Variants in ERI3 observed in about 807,000 individuals in gnomAD.
ERI3 encodes ERI1 exoribonuclease family member 3.
A neutral mutation model predicts 44.4 loss-of-function variants in ERI3; 18 were observed. That is an observed-to-expected ratio of 0.41 (90% CI 0.28 to 0.60). The LOEUF (loss-of-function observed/expected upper bound fraction) is 0.60. Ranked by LOEUF, ERI3 falls within the 20% of genes least tolerant of loss-of-function variation. The probability of loss-of-function intolerance (pLI) is 0.36; values close to 1 mark genes in which losing one functional copy is unlikely to be tolerated. For synonymous variants in ERI3, 183 were observed against 164.8 expected, an observed-to-expected ratio of 1.11 and a Z score of -0.84; for missense variants, 294 against 435.5, an observed-to-expected ratio of 0.68 and a Z score of 2.89.
intron 8 of ERI3, among the ~76,000 whole-genome samples, chr1:44,227,549 TTATAC>T (rs1283470950): frequency 6.7e-6 from 1 of 149,320 alleles, no homozygotes; most frequent in Non-Finnish European, 1.5e-5. Context: ...CAGGACATAC[TTATAC>T]TATATTTTTT....
intron 3 of ERI3, among the ~76,000 whole-genome samples, chr1:44,338,754 G>T (rs1396625373): frequency 6.6e-6 from 1 of 152,180 alleles, no homozygotes; most frequent in Non-Finnish European, 1.5e-5. Context: ...AGTAGCAGGA[G>T]AATGGAGGAA....
intron 2 of ERI3, among the ~76,000 whole-genome samples, chr1:44,349,391 C>T (rs942383314): frequency 6.6e-5 from 10 of 152,040 alleles, no homozygotes; most frequent in Non-Finnish European, 1.3e-4. Flanking sequence ...GACCTCCTGA[C>T]CTCAGGTGAT....
chr1:44,326,665 G>A (rs1646321074), intron 3 of ERI3, among the ~76,000 whole-genome samples: 1 of 152,170 alleles, frequency 6.6e-6, no homozygotes, highest in African/African-American at 2.4e-5. Context: ...GGCTGTTTGG[G>A]TTTTAATTGC....
At position 44,269,099 on chromosome 1, in the gene ERI3, A is replaced by G. The variant is rs537734981; in HGVS notation, c.831+15736T>C. 4.6e-5 allele frequency among the ~76,000 whole-genome samples: 7 copies of G among 152,304 alleles called. No individual in the cohort carries two copies. In the East Asian group the frequency reaches 1.4e-3, roughly 29 times the overall value. ...CCCAAGGCCAGACATTGTAGTTGGTAAGGGTAAAAGTGGAACTTCTGCTGT... is the reference window on the plus strand; with the variant it reads ...CCCAAGGCCAGACATTGTAGTTGGTGAGGGTAAAAGTGGAACTTCTGCTGT... On this transcript the variant is annotated intron_variant, in intron 7 of 8. Coordinates refer to ENST00000372257, the MANE Select transcript of ERI3 (RefSeq NM_024066.3).
At chr1:44,341,508 G>C (rs899725794) in intron 2 of ERI3, among the ~76,000 whole-genome samples, 1 of 152,174 alleles carries the variant, frequency 6.6e-6, no homozygotes, top group African/African-American at 2.4e-5. Context: ...ACCTCTGACA[G>C]AGCATACTAT....
At chr1:44,305,833 TG>T (rs1645820876) in intron 6 of ERI3, among the ~76,000 whole-genome samples, 1 of 152,242 alleles carries the variant, frequency 6.6e-6, no homozygotes, top group African/African-American at 2.4e-5. Context: ...AAATGTTTGC[TG>T]AATTCCTAAG....
At chr1:44,230,794 A>C (rs1427849097) in intron 8 of ERI3, among the ~76,000 whole-genome samples, 1 of 152,146 alleles carries the variant, frequency 6.6e-6, no homozygotes, top group Non-Finnish European at 1.5e-5. Context: ...TCCTTCTTTG[A>C]CTTTAGTACT....
intron 7 of ERI3, among the ~76,000 whole-genome samples, chr1:44,267,084 T>C (rs1645004263): frequency 6.6e-6 from 1 of 152,180 alleles, no homozygotes; most frequent in Non-Finnish European, 1.5e-5. Flanking sequence ...AGGAGGCCAG[T>C]ACACAATCTG....
At position 44,339,341 on chromosome 1, in the gene ERI3, A is replaced by T. The variant is rs887293635; in HGVS notation, c.212-19T>A. On this transcript the variant is annotated intron_variant, in intron 2 of 8. Transcript: ENST00000372257. ...TCTAAAACTTAGGGGAGGAAAGTTTAAAAAAAAAAAAAAAAAAGAAAAGAA... is the reference window on the plus strand; with the variant it reads ...TCTAAAACTTAGGGGAGGAAAGTTTTAAAAAAAAAAAAAAAAAGAAAAGAA... The T allele has an allele frequency of 5.3e-3, 1,841 of 344,838 alleles. No individual in the cohort carries two copies. The highest frequency in any genetic ancestry group is 7.0e-3 in the Non-Finnish European group (1,633 of 233,440). 21.4% of individuals were successfully genotyped at this position (344,838 alleles called of 1,614,324 possible).
At chr1:44,244,110 T>C (rs1263879850) in intron 8 of ERI3, 1 of 152,488 alleles carries the variant, frequency 6.6e-6, no homozygotes, top group African/African-American at 2.4e-5. Flanking sequence ...TTTGCTGAAA[T>C]GAATGAAGGA....
intron 3 of ERI3, among the ~76,000 whole-genome samples, chr1:44,320,931 T>G (rs1646188532): frequency 6.6e-6 from 1 of 152,170 alleles, no homozygotes. Context: ...AATAGTCAGC[T>G]CCAGCAGCAC....
At chr1:44,296,138 C>T (rs183342650) in intron 6 of ERI3, among the ~76,000 whole-genome samples, 7 of 152,192 alleles carry the variant, frequency 4.6e-5, no homozygotes, top group African/African-American at 1.4e-4. Flanking sequence ...TCTCCACCCC[C>T]CTCCACCGTG....
At chr1:44,278,665 C>G (rs1438562105) in intron 7 of ERI3, among the ~76,000 whole-genome samples, 1 of 152,172 alleles carries the variant, frequency 6.6e-6, no homozygotes, top group Non-Finnish European at 1.5e-5. Flanking sequence ...GGCACAATCT[C>G]AGCTCACTGC....
chr1:44,311,262 G>T (rs1645966321), intron 5 of ERI3, among the ~76,000 whole-genome samples: 1 of 152,122 alleles, frequency 6.6e-6, no homozygotes, highest in African/African-American at 2.4e-5. Context: ...TCAACACTCA[G>T]TGGGGTCCCT....
chr1:44,353,294 G>A, intron 1 of ERI3: 1 of 985,318 alleles, frequency 1.0e-6, no homozygotes, highest in Non-Finnish European at 1.2e-6. Context: ...GCCAGGACTG[G>A]GGTAGGGGTT....
intron 1 of ERI3, 124 bp downstream of exon 1, chr1:44,354,764 TTAAG>T (rs557114121): frequency 4.1e-4 from 518 of 1,252,776 alleles, no homozygotes; most frequent in Non-Finnish European, 4.9e-4. Flanking sequence ...ACTCAGTAGA[TTAAG>T]TAAGCATCCA....
chr1:44,310,616 C>CT (rs1311908533), intron 5 of ERI3, among the ~76,000 whole-genome samples: 1 of 152,158 alleles, frequency 6.6e-6, no homozygotes, highest in Non-Finnish European at 1.5e-5. Flanking sequence ...CCATGGATAT[C>CT]TTTAAGTATC....
At chr1:44,237,381 C>G (rs1156315509) in intron 8 of ERI3, among the ~76,000 whole-genome samples, 1 of 152,190 alleles carries the variant, frequency 6.6e-6, no homozygotes, top group African/African-American at 2.4e-5. Flanking sequence ...AGACACTTCA[C>G]TCAGAAACTT....
intron 6 of ERI3, among the ~76,000 whole-genome samples, chr1:44,301,905 C>G (rs1402754838): frequency 1.3e-5 from 2 of 152,228 alleles, no homozygotes; most frequent in East Asian, 3.8e-4. Context: ...TAGCAAACAG[C>G]ACACAGCCCT....
Sources: gnomAD v4.1 joint callset for allele counts (sites outside exome capture counted in the v4.1 genomes callset) on GRCh38, gnomAD v4.1.1 for gene constraint, MANE v1.5 for transcripts, NCBI Gene and HGNC (gene_info 2026-07-23, HGNC 2026-07-21) for gene names.